The following LASP1 variants were observed in gnomAD, a reference collection of about 807,000 sequenced individuals.
LASP1 encodes the protein LIM and SH3 protein 1, also known as LIM and SH3 domain protein 1.
In LASP1, 10 loss-of-function variants were observed where a neutral mutation model predicts 38.6. That is an observed-to-expected ratio of 0.26 (90% confidence interval 0.16 to 0.44). LASP1 has a LOEUF of 0.44. LASP1 is among the 20% of genes least tolerant of loss of function. The probability of loss-of-function intolerance (pLI) is 1.00; values close to 1 mark genes in which losing one functional copy is unlikely to be tolerated. For synonymous variants in LASP1, 132 were observed against 140.8 expected (o/e 0.94, Z 0.44); for missense variants, 243 against 375.7 (o/e 0.65, Z 2.92).
intron 2 of LASP1, among the ~76,000 whole-genome samples, chr17:38,889,896 G>T (rs138756203): frequency 6.6e-6 from 1 of 152,228 alleles, no homozygotes; most frequent in African/African-American, 2.4e-5. Context: ...CACTTTAACC[G>T]TGTGTTTTCT....
chr17:38,883,310 G>C (rs1914005750), intron 2 of LASP1, among the ~76,000 whole-genome samples: 1 of 152,118 alleles, frequency 6.6e-6, no homozygotes, highest in Admixed American at 6.5e-5. Context: ...AGTCTGGGAG[G>C]TTGAGGCTGT....
rs1382523808 is a variant in LASP1, at chr17:38,898,451, G to T, written c.289G>T (p.Gly97Cys). 1 of 1,551,532 alleles carries T rather than the reference G, an allele frequency of 6.4e-7. No individual in the cohort carries two copies. The highest frequency in any genetic ancestry group is 2.4e-5 in the East Asian group (1 of 40,932). Residue 97 changes from glycine to cysteine, a missense_variant, in exon 4 of 7, where the codon GGT becomes TGT. Transcript: ENST00000318008. ...KEEFEKNKGKGFSVVADTPEL... is the reference protein window; with the variant it reads ...KEEFEKNKGKCFSVVADTPEL... The stretch of plus-strand genomic sequence containing the variant: ...GGAGTTTGAGAAGAACAAGGGCAAA[G>T]GTTTCAGCGTAGTGGCAGACACGCC...
chr17:38,919,429 C>T lies in LASP1; in HGVS notation c.*651C>T, dbSNP rs933854555. ...CACACTGTGATTTTGCCCTCCTGCC[C>T]ACGCAGACCTGCAGCGGGCAAAGAG... On this transcript the variant is annotated 3_prime_UTR_variant, in exon 7 of 7. Transcript: ENST00000318008. 65 of 240,868 alleles carry T rather than the reference C, an allele frequency of 2.7e-4. 1 individual carries two copies. In the Admixed American group the frequency reaches 3.0e-3, roughly 11 times the overall value. 14.9% of individuals were successfully genotyped at this position (240,868 alleles called of 1,614,324 possible).
Position 38,889,354 on chromosome 17 carries a change from A to G in LASP1, c.165-1066A>G, listed in dbSNP as rs1312604077. 2.6e-5 allele frequency among the ~76,000 whole-genome samples: 4 copies of G among 151,208 alleles called. No individual in the cohort carries two copies. In the East Asian group the frequency reaches 5.9e-4, roughly 22 times the overall value. Reference sequence around the variant, plus strand: ...AGCATATTGACCAGGCTAGTCTTGAACTCCTGACCTCGTGATCTGCCCGCC... The same window carrying G: ...AGCATATTGACCAGGCTAGTCTTGAGCTCCTGACCTCGTGATCTGCCCGCC... On this transcript the variant is annotated intron_variant, in intron 2 of 6. Transcript: ENST00000318008.
intron 2 of LASP1, among the ~76,000 whole-genome samples, chr17:38,887,910 G>A (rs957018796): frequency 2.6e-5 from 4 of 152,160 alleles, no homozygotes; most frequent in Non-Finnish European, 5.9e-5. Context: ...GGGGCAGCTC[G>A]TTCTTAGCTC....
chr17:38,896,166 C>T (rs1266096195), intron 3 of LASP1, among the ~76,000 whole-genome samples: 2 of 151,992 alleles, frequency 1.3e-5, no homozygotes, highest in African/African-American at 4.8e-5. Flanking sequence ...CACCCCTGGC[C>T]CCCCACCCTT....
chr17:38,902,483 T>C (rs965881945), intron 4 of LASP1, among the ~76,000 whole-genome samples: 11 of 147,718 alleles, frequency 7.4e-5, no homozygotes, highest in Admixed American at 4.1e-4. Context: ...CTGGGACTAC[T>C]ACAGGCATGA....
chr17:38,899,529 G>T (rs1332060803), intron 4 of LASP1, among the ~76,000 whole-genome samples: 4 of 152,170 alleles, frequency 2.6e-5, no homozygotes, highest in Non-Finnish European at 5.9e-5. Flanking sequence ...CATAGAGTGG[G>T]CTGCAGTGGT....
chr17:38,889,171 C>T, intron 2 of LASP1, among the ~76,000 whole-genome samples: 1 of 152,132 alleles, frequency 6.6e-6, no homozygotes, highest in East Asian at 1.9e-4. Flanking sequence ...GGCTCTGTCA[C>T]ATAGGCTGGA....
rs1041784820 is a variant in LASP1 at position 38,918,281 on chromosome 17, C to A, written c.613-324C>A. On this transcript the variant is annotated intron_variant, in intron 6 of 6. Transcript: ENST00000318008. This position sits in a 1 kb window ranked among gnomAD's most constrained non-coding sequence, Gnocchi z 4.4. ...GGCGTGAGCCACTGCACCTGGCCTG[C>A]ATGTCGTATTTTTAGACATTACTCT... is the stretch of plus-strand genomic sequence containing the variant. Among the ~76,000 whole-genome samples, 1 of 152,186 alleles carries A rather than the reference C, an allele frequency of 6.6e-6. No homozygotes were observed. The highest frequency in any genetic ancestry group is 6.5e-5 in the Admixed American group (1 of 15,272).
intron 3 of LASP1, among the ~76,000 whole-genome samples, chr17:38,895,290 A>T (rs1469528413): frequency 6.6e-6 from 1 of 151,298 alleles, no homozygotes; most frequent in Non-Finnish European, 1.5e-5. Context: ...GATTACAGAC[A>T]TGAGCCATTT....
rs750041565 is a variant in LASP1 at position 38,914,404 on chromosome 17, C to T, written c.437C>T (p.Ser146Leu). The change falls in exon 5 of 7, where the codon TCA becomes TTA. Residue 146 changes from serine (S) to leucine (L), a missense_variant. Physicochemically the swap from Ser to Leu is moderately radical, Grantham distance 145 (BLOSUM62 -2). Coordinates refer to ENST00000318008, the MANE Select transcript of LASP1 (RefSeq NM_006148.4). ...GEGMEPERRD[S>L]QDGSSYRRPL... The stretch of plus-strand genomic sequence containing the variant: ...GGCATGGAGCCAGAGCGTCGGGATT[C>T]ACAGGACGGCAGCAGCTACCGGCGG... 3.1e-6 allele frequency: 5 copies of T among 1,611,784 alleles called. No individual in the cohort carries two copies. Among genetic ancestry groups the T allele is most frequent in the East Asian group, 4.5e-5 (2 of 44,888 alleles).
chr17:38,882,084 C>T (rs1023930901), intron 2 of LASP1, among the ~76,000 whole-genome samples: 4 of 152,126 alleles, frequency 2.6e-5, no homozygotes, highest in Non-Finnish European at 5.9e-5. Flanking sequence ...ACACCCACGC[C>T]GGTGCTGGGG....
intron 2 of LASP1, among the ~76,000 whole-genome samples, chr17:38,888,363 C>A (rs1335517860): frequency 6.6e-6 from 1 of 151,996 alleles, no homozygotes; most frequent in Non-Finnish European, 1.5e-5. Context: ...CTGCAAGCTC[C>A]ACCTCCCAGG....
chr17:38,870,093 C>G lies in LASP1; in HGVS notation c.-97C>G. 2.3e-6 allele frequency: 3 copies of G among 1,326,934 alleles called. No homozygotes were observed. In the South Asian group the frequency reaches 3.6e-5, roughly 16 times the overall value. 82.2% of individuals were successfully genotyped at this position (1,326,934 alleles called of 1,614,324 possible). A position where few individuals can be genotyped will look rare whatever the true frequency, so the allele number is the denominator to read the frequency against. Reference sequence around the variant, plus strand: ...CAGCTCCAGCCGCCGTCGCTGCTGCCTGTGTAGTTGCAGCCGCGGCCGCCT... The same window carrying G: ...CAGCTCCAGCCGCCGTCGCTGCTGCGTGTGTAGTTGCAGCCGCGGCCGCCT... On this transcript the variant is annotated 5_prime_UTR_variant, in exon 1 of 7. Coordinates refer to ENST00000318008, the MANE Select transcript of LASP1 (RefSeq NM_006148.4).
intron 1 of LASP1, among the ~76,000 whole-genome samples, 186 bp downstream of exon 1, chr17:38,870,444 A>C (rs1299095492): frequency 1.3e-5 from 2 of 152,044 alleles, no homozygotes; most frequent in Non-Finnish European, 2.9e-5. Flanking sequence ...ATCTGGGGCG[A>C]GGCGGGAAGT....
intron 2 of LASP1, among the ~76,000 whole-genome samples, chr17:38,884,800 C>G (rs1914066884): frequency 6.9e-6 from 1 of 145,726 alleles, no homozygotes; most frequent in African/African-American, 2.6e-5. Context: ...AAGGGATTTT[C>G]CTGCCTCAGC....
chr17:38,871,707 G>C (rs369244554), intron 1 of LASP1, among the ~76,000 whole-genome samples: 1 of 152,070 alleles, frequency 6.6e-6, no homozygotes, highest in Admixed American at 6.5e-5. Flanking sequence ...AAAGATATTT[G>C]AACTTGCTCT....
At chr17:38,915,543 T>C (rs1310259160) in intron 6 of LASP1, 9 of 166,726 alleles carry the variant, frequency 5.4e-5, no homozygotes, top group Non-Finnish European at 2.6e-5. Flanking sequence ...CCCAGCCATG[T>C]CGTGTAAAGC....
Sources: gnomAD v4.1 joint callset for allele counts (sites outside exome capture counted in the v4.1 genomes callset) on GRCh38, gnomAD v4.1.1 for gene constraint, Gnocchi (gnomAD v3.1) non-coding constraint, MANE v1.5 for transcripts, NCBI Gene and HGNC (gene_info 2026-07-23, HGNC 2026-07-21) for gene names.